The following FRMD4A variants were observed in gnomAD, a reference collection of about 807,000 sequenced individuals.
FRMD4A encodes the protein FERM domain-containing protein 4A.
In FRMD4A, 29 loss-of-function variants were observed where a neutral mutation model predicts 129.1. That is an observed-to-expected ratio of 0.22 (90% CI 0.17 to 0.31). The LOEUF is 0.31. Ranked by LOEUF, FRMD4A falls within the 10% of genes least tolerant of loss-of-function variation. FRMD4A has a pLI of 1.00. For missense variants in FRMD4A, 1,272 were observed against 1,375.8 expected (o/e 0.92, Z 1.19); for synonymous variants, 634 against 571.6 (o/e 1.11, Z -1.56).
rs137864419 is a variant in FRMD4A at position 14,327,836 on chromosome 10, C to T, written c.45+2222G>A. Among the ~76,000 whole-genome samples, 342 of 152,336 alleles carry T rather than the reference C, an allele frequency of 2.2e-3. 6 individuals are homozygous for T. In the East Asian group the frequency reaches 0.03, roughly 13 times the overall value. ...CAGGCTACTTTCCTCAGTGAGCAGACACGCGATAAATACTGACAACTGATT... is the reference window on the plus strand; with the variant it reads ...CAGGCTACTTTCCTCAGTGAGCAGATACGCGATAAATACTGACAACTGATT... On this transcript the variant is annotated intron_variant, in intron 2 of 24. Coordinates refer to ENST00000357447, the MANE Select transcript of FRMD4A (RefSeq NM_018027.5).
intron 2 of FRMD4A, among the ~76,000 whole-genome samples, chr10:13,877,655 G>C (rs943497206): frequency 2.6e-5 from 4 of 152,240 alleles, no homozygotes; most frequent in Admixed American, 6.5e-5. Flanking sequence ...AGAGGCTACC[G>C]CCTTTCTGTT....
chr10:13,893,549 GTCTGTC>G (rs1337255785), intron 2 of FRMD4A, among the ~76,000 whole-genome samples: 1 of 152,002 alleles, frequency 6.6e-6, no homozygotes, highest in East Asian at 1.9e-4. Flanking sequence ...TTGAGACAGA[GTCTGTC>G]TCTGTTACTC....
At chr10:14,054,088 C>A (rs188601516) in intron 2 of FRMD4A, among the ~76,000 whole-genome samples, 1 of 151,938 alleles carries the variant, frequency 6.6e-6, no homozygotes, top group Non-Finnish European at 1.5e-5. Flanking sequence ...TTTCTTGAGC[C>A]AAGGAATTTG....
Position 13,810,936 on chromosome 10 carries a change from G to A in FRMD4A, c.112-28C>T, listed in dbSNP as rs766170753. On this transcript the variant is annotated intron_variant, in intron 3 of 24. Coordinates refer to ENST00000357447, the MANE Select transcript of FRMD4A (RefSeq NM_018027.5). ...GCAAGAAGAATACAATGGAAGAAGG[G>A]TAAGTGATGAGAGACTGCTTTTCCT... 1.1e-5 allele frequency: 13 copies of A among 1,193,256 alleles called. No individual in the cohort carries two copies. In the African/African-American group the frequency reaches 1.8e-4, roughly 17 times the overall value. 73.9% of individuals were successfully genotyped at this position (1,193,256 alleles called of 1,614,324 possible).
In FRMD4A at chr10:13,907,910, A is replaced by G. The variant is rs546890659; in HGVS notation, c.46-48998T>C. Among the ~76,000 whole-genome samples the G allele has an allele frequency of 6.0e-5, 9 of 151,254 alleles. 1 individual carries two copies. Among genetic ancestry groups the G allele is most frequent in the African/African-American group, 1.5e-4 (6 of 41,264 alleles). On this transcript the variant is annotated intron_variant, in intron 2 of 24. Coordinates refer to ENST00000357447, the MANE Select transcript of FRMD4A (RefSeq NM_018027.5). ...GCCGGGTGCAGTGGCTCACACCTGT[A>G]ATGCCAGCACTTTGGGAGGCCGAGG...
At chr10:13,943,998 A>G (rs564420616) in intron 2 of FRMD4A, among the ~76,000 whole-genome samples, 1 of 152,190 alleles carries the variant, frequency 6.6e-6, no homozygotes, top group Non-Finnish European at 1.5e-5. Context: ...TGTTCCTACC[A>G]TTCAGAGACA....
intron 2 of FRMD4A, among the ~76,000 whole-genome samples, chr10:14,280,643 T>C (rs1431714099): frequency 6.6e-6 from 1 of 152,230 alleles, no homozygotes; most frequent in African/African-American, 2.4e-5. Context: ...CTTGCCAGAC[T>C]TGGCTCTCAG....
chr10:14,281,280 C>T (rs1224134189), intron 2 of FRMD4A, among the ~76,000 whole-genome samples: 1 of 152,164 alleles, frequency 6.6e-6, no homozygotes, highest in African/African-American at 2.4e-5. Flanking sequence ...ACGTGAGCCA[C>T]CACACCCAGC....
At chr10:14,247,311 A>G (rs1022633483) in intron 2 of FRMD4A, among the ~76,000 whole-genome samples, 10 of 152,224 alleles carry the variant, frequency 6.6e-5, no homozygotes, top group African/African-American at 2.2e-4. Flanking sequence ...TCACTGTTAA[A>G]GCACTGTGCC....
In FRMD4A at chr10:14,185,811, G is replaced by A. The variant is rs770823425; in HGVS notation, c.45+144247C>T. ...TCCAGACTAGTCCTGGGCGGAATAG[G>A]GTAGACAGGGCAGGGCCCAGTGGAG... On this transcript the variant is annotated intron_variant, in intron 2 of 24. Coordinates refer to ENST00000357447, the MANE Select transcript of FRMD4A (RefSeq NM_018027.5). Among the ~76,000 whole-genome samples, 15 of 152,260 alleles carry A rather than the reference G, an allele frequency of 9.9e-5. No homozygotes were observed. In the Middle Eastern group the frequency reaches 0.01, roughly 104 times the overall value.
intron 12 of FRMD4A, among the ~76,000 whole-genome samples, chr10:13,714,262 C>A (rs1424347521): frequency 6.6e-6 from 1 of 150,706 alleles, no homozygotes; most frequent in Non-Finnish European, 1.5e-5. Context: ...GGGGTTTCAT[C>A]ATGTTGGCCA....
intron 2 of FRMD4A, among the ~76,000 whole-genome samples, chr10:14,224,881 G>A (rs990146887): frequency 7.2e-5 from 11 of 152,176 alleles, no homozygotes; most frequent in African/African-American, 7.2e-5. Context: ...CAGGTCCAGA[G>A]GAAGCCGTTA....
At chr10:13,664,297 G>A (rs1007524654) in intron 18 of FRMD4A, among the ~76,000 whole-genome samples, 3 of 152,076 alleles carry the variant, frequency 2.0e-5, no homozygotes, top group Non-Finnish European at 4.4e-5. Context: ...GTTTCTATAG[G>A]AAACATGTTT....
intron 2 of FRMD4A, among the ~76,000 whole-genome samples, chr10:14,204,463 A>T (rs780997735): frequency 3.9e-5 from 6 of 152,162 alleles, no homozygotes; most frequent in Non-Finnish European, 8.8e-5. Flanking sequence ...ACTAATTATT[A>T]ATTAGGATAA....
chr10:14,066,712 G>A (rs11258848), intron 2 of FRMD4A, among the ~76,000 whole-genome samples: 26,486 of 152,000 alleles, frequency 0.17, 2,908 homozygotes, highest in Middle Eastern at 0.28. Flanking sequence ...ATGCAGGATC[G>A]ACAATGGCAA....
intron 2 of FRMD4A, among the ~76,000 whole-genome samples, chr10:14,165,990 T>A (rs1189708415): frequency 2.0e-5 from 3 of 152,158 alleles, no homozygotes; most frequent in Non-Finnish European, 2.9e-5. Flanking sequence ...CGTATCCATG[T>A]GCCCCCTGAA....
intron 19 of FRMD4A, among the ~76,000 whole-genome samples, chr10:13,662,937 G>T (rs1480297088): frequency 1.3e-5 from 2 of 152,066 alleles, no homozygotes; most frequent in Non-Finnish European, 2.9e-5. Context: ...GCCAGGTATG[G>T]TGGCTCCTGC....
At chr10:13,701,213 G>T in intron 14 of FRMD4A, 127 bp downstream of exon 14, 1 of 791,370 alleles carries the variant, frequency 1.3e-6, no homozygotes, top group Non-Finnish European at 2.1e-6. Context: ...TAAGAGGCAA[G>T]CCTGTATCTG....
At chr10:13,705,394 T>C (rs2087323960) in intron 13 of FRMD4A, among the ~76,000 whole-genome samples, 1 of 152,122 alleles carries the variant, frequency 6.6e-6, no homozygotes, top group Non-Finnish European at 1.5e-5. Flanking sequence ...AAAGGATTTG[T>C]CCAAGGTGCC....
Sources: gnomAD v4.1 joint callset for allele counts (sites outside exome capture counted in the v4.1 genomes callset) on GRCh38, gnomAD v4.1.1 for gene constraint, MANE v1.5 for transcripts, NCBI Gene and HGNC (gene_info 2026-07-23, HGNC 2026-07-21) for gene names.